TOX2: variants seen among roughly 807,000 people sequenced by gnomAD.
TOX2 encodes the protein granulosa cell HMG box 1.
TOX2 carries 15 observed loss-of-function variants against 47.4 expected under a neutral mutation model. The observed-to-expected ratio is 0.32, with a 90% CI of 0.21 to 0.49. The LOEUF (loss-of-function observed/expected upper bound fraction) is 0.49. Ranked by LOEUF, TOX2 falls within the 20% of genes least tolerant of loss-of-function variation. The pLI is 0.99. For synonymous variants in TOX2, 290 were observed against 296.6 expected (o/e 0.98, Z 0.23); for missense variants, 622 against 673.1 (o/e 0.92, Z 0.84).
At chr20:44,039,520 C>T (rs2145715211) in intron 3 of TOX2, among the ~76,000 whole-genome samples, 1 of 152,226 alleles carries the variant, frequency 6.6e-6, no homozygotes, top group Admixed American at 6.5e-5. Context: ...AGCTGCATAG[C>T]TTGAGATAGC....
At chr20:43,936,349 T>TATATTAGCTC (rs1181072001) in intron 1 of TOX2, among the ~76,000 whole-genome samples, 1 of 152,252 alleles carries the variant, frequency 6.6e-6, no homozygotes, top group African/African-American at 2.4e-5. Flanking sequence ...CAAATGCTCT[T>TATATTAGCTC]ATATTAGCTC....
At chr20:43,959,351 C>T (rs917232851) in intron 1 of TOX2, among the ~76,000 whole-genome samples, 3 of 152,188 alleles carry the variant, frequency 2.0e-5, no homozygotes, top group African/African-American at 4.8e-5. Flanking sequence ...GTTGAGACAG[C>T]GCTTAAAAAT....
At chr20:44,016,035 C>G (rs1223304125) in intron 3 of TOX2, among the ~76,000 whole-genome samples, 1 of 152,014 alleles carries the variant, frequency 6.6e-6, no homozygotes, top group Non-Finnish European at 1.5e-5. Context: ...AGGAACAAAA[C>G]ATGTTCTTTT....
intron 1 of TOX2, chr20:43,946,068 G>A (rs753721867): frequency 5.6e-6 from 9 of 1,611,458 alleles, no homozygotes; most frequent in Non-Finnish European, 7.6e-6. Flanking sequence ...CGCCCCATGA[G>A]GTGGAGGTGG....
At chr20:44,004,326 G>T (rs2070640207) in intron 2 of TOX2, among the ~76,000 whole-genome samples, 2 of 152,180 alleles carry the variant, frequency 1.3e-5, no homozygotes, top group Admixed American at 6.5e-5. Context: ...AACCCAGACT[G>T]GTTGAGGTCC....
intron 1 of TOX2, among the ~76,000 whole-genome samples, chr20:43,927,962 G>A (rs1274412398): frequency 1.3e-5 from 2 of 152,144 alleles, no homozygotes; most frequent in African/African-American, 4.8e-5. Context: ...TGTGTGGTAA[G>A]CATTATGTTG....
chr20:43,934,143 G>GAGAA (rs751006641), intron 1 of TOX2, among the ~76,000 whole-genome samples: 5 of 150,146 alleles, frequency 3.3e-5, no homozygotes, highest in Non-Finnish European at 5.9e-5. Flanking sequence ...TAAGGAGAGA[G>GAGAA]AGAGAGAGAG....
chr20:43,980,533 A>T (rs567815562), intron 2 of TOX2, among the ~76,000 whole-genome samples: 7 of 152,334 alleles, frequency 4.6e-5, no homozygotes, highest in East Asian at 3.9e-4. Flanking sequence ...CACAAGGATA[A>T]ATGCTTAAGG....
intron 1 of TOX2, among the ~76,000 whole-genome samples, chr20:43,951,884 ATTTTTTGTTTGTTTG>A (rs1486465470): frequency 5.5e-5 from 4 of 72,330 alleles, no homozygotes; most frequent in Non-Finnish European, 1.1e-4. Flanking sequence ...ATTAAAAATA[ATTTTTTGTTTGTTTG>A]TTTGTTTGTT....
In TOX2 at chr20:44,006,740, T is replaced by C. The variant is rs1391708755; in HGVS notation, c.359T>C (p.Val120Ala). The change falls in exon 3 of 9, where the codon GTG becomes GCG. Residue 120 changes from valine (V) to alanine (A), a missense_variant. By Grantham distance (64) the Val-to-Ala change is moderately conservative (BLOSUM62 0). Around this residue, in one of 3 missense-constraint regions of TOX2, gnomAD observed 307 missense variants for 327.3 expected, o/e 0.94. Coordinates refer to ENST00000341197, the MANE Select transcript of TOX2 (RefSeq NM_001098797.2). ...YQAMDLPAIM[V>A]SNMLAQDSHL... The stretch of plus-strand genomic sequence containing the variant: ...GCCATGGACCTCCCAGCCATCATGG[T>C]GTCCAACATGCTAGCACAGGACAGC... 2.5e-6 allele frequency: 4 copies of C among 1,614,100 alleles called. No individual in the cohort carries two copies. The South Asian group carries it at 3.3e-5, about 13-fold the overall frequency.
chr20:43,914,939 CG>C lies in TOX2; in HGVS notation c.52del (p.Ala18ProfsTer26), dbSNP rs1430774375. On this transcript the variant is annotated frameshift_variant, in exon 1 of 9. Transcript: ENST00000341197. LOFTEE classifies it high-confidence loss of function. The surrounding 1 kb of genome is among the most constrained non-coding windows in gnomAD (Gnocchi z 4.5). ...CGGCGCCCGCGGTGGGCGCGCGGCCCGGGGCCGAGCCGGCCGGCCTGGCGCA... is the reference window on the plus strand; with the variant it reads ...CGGCGCCCGCGGTGGGCGCGCGGCCCGGGCCGAGCCGGCCGGCCTGGCGCA... The part of the protein sequence containing the change: ...PSAPAVGARP[G>X]AEPAGLAHLD... 2.4e-6 allele frequency: 3 copies of C among 1,231,342 alleles called. No homozygotes were observed. The highest frequency in any genetic ancestry group is 4.2e-5 in the Admixed American group (1 of 23,980). 76.3% of individuals were successfully genotyped at this position (1,231,342 alleles called of 1,614,324 possible). A position where few individuals can be genotyped will look rare whatever the true frequency, so the allele number is the denominator to read the frequency against.
chr20:43,948,680 C>T (rs747690185), intron 1 of TOX2, among the ~76,000 whole-genome samples: 3 of 152,222 alleles, frequency 2.0e-5, no homozygotes, highest in Non-Finnish European at 2.9e-5. Context: ...TGCCCAGGAG[C>T]TGCCATCTCC....
chr20:44,001,131 A>G (rs1468946603), intron 2 of TOX2, among the ~76,000 whole-genome samples: 4 of 152,204 alleles, frequency 2.6e-5, no homozygotes, highest in Non-Finnish European at 4.4e-5. Flanking sequence ...ATCTCTTTCT[A>G]TATTTTCATG....
In TOX2 at chr20:44,069,028, G is replaced by A. The variant is rs540851952; in HGVS notation, c.*342G>A. ...CCAGCCCAGGTGGGCCGCCCCTGGC[G>A]GGGTCGCTTACCAACGGACACCCAC... On this transcript the variant is annotated 3_prime_UTR_variant, in exon 9 of 9. Transcript: ENST00000341197. 10 of 443,836 alleles carry A rather than the reference G, an allele frequency of 2.3e-5. No individual in the cohort carries two copies. The highest frequency in any genetic ancestry group is 4.7e-4 in the Middle Eastern group (1 of 2,106). 27.5% of individuals were successfully genotyped at this position (443,836 alleles called of 1,614,324 possible).
intron 3 of TOX2, among the ~76,000 whole-genome samples, chr20:44,034,401 G>A (rs2071206677): frequency 6.6e-6 from 1 of 152,222 alleles, no homozygotes; most frequent in Non-Finnish European, 1.5e-5. Flanking sequence ...CTGCGATGGG[G>A]TGTTTCTGGC....
intron 3 of TOX2, among the ~76,000 whole-genome samples, chr20:44,034,206 CCTTAT>C (rs1569117903): frequency 2.0e-5 from 3 of 152,204 alleles, no homozygotes; most frequent in Non-Finnish European, 4.4e-5. Context: ...TCTGCACCCT[CCTTAT>C]CTTCTGCAGA....
At chr20:44,027,762 A>G (rs1449328700) in intron 3 of TOX2, among the ~76,000 whole-genome samples, 1 of 152,172 alleles carries the variant, frequency 6.6e-6, no homozygotes, top group African/African-American at 2.4e-5. Flanking sequence ...AGGAGGCAGG[A>G]ATGTTCTGTG....
chr20:44,060,372 A>G (rs534757312), intron 5 of TOX2, among the ~76,000 whole-genome samples: 1 of 152,288 alleles, frequency 6.6e-6, no homozygotes, highest in South Asian at 2.1e-4. Flanking sequence ...CAAAGAAACA[A>G]TGAACTTAAA....
intron 1 of TOX2, among the ~76,000 whole-genome samples, chr20:43,934,157 G>A (rs937519534): frequency 6.6e-6 from 1 of 150,898 alleles, no homozygotes; most frequent in Admixed American, 6.6e-5. Context: ...GAGAGAGAGA[G>A]AGAGAGAGAG....
Sources: gnomAD v4.1 joint callset for allele counts (sites outside exome capture counted in the v4.1 genomes callset) on GRCh38, gnomAD v4.1.1 for gene constraint, gnomAD v4.1.1 regional missense constraint, Gnocchi (gnomAD v3.1) non-coding constraint, MANE v1.5 for transcripts, NCBI Gene and HGNC (gene_info 2026-07-23, HGNC 2026-07-21) for gene names.